EVPL: variants seen among roughly 807,000 people sequenced by gnomAD.
EVPL encodes the protein 210 kDa cornified envelope precursor protein.
EVPL carries 94 observed loss-of-function variants against 129.7 expected under a neutral mutation model. That is an observed-to-expected ratio of 0.72 (90% CI 0.61 to 0.86). The LOEUF (loss-of-function observed/expected upper bound fraction) is 0.86, where lower values mean the gene tolerates loss of function less well. EVPL is among the 40% of genes least tolerant of loss of function. The pLI is 0.00. For missense variants in EVPL, 2,625 were observed against 2,721.1 expected (o/e 0.96, Z 0.79); for synonymous variants, 1,172 against 1,191.1 (o/e 0.98, Z 0.33).
rs748581022 is a variant in EVPL at position 76,019,008 on chromosome 17, C to T, written c.1190G>A (p.Arg397Gln). 2.5e-5 allele frequency: 39 copies of T among 1,570,158 alleles called. No individual in the cohort carries two copies. Among genetic ancestry groups the T allele is most frequent in the South Asian group, 7.0e-5 (6 of 85,978 alleles). ...VTERATGDLQ[R>Q]RSRDVAPLPQ... ...CAGAGGGGCCACATCCCGGCTTCGC[C>T]GCTGCAGGTCCCCAGTGGCCCTCTC... The change falls in exon 11 of 22, where the codon CGG becomes CAG. Residue 397 changes from arginine to glutamine, a missense_variant. Arg to Gln is a conservative substitution (Grantham distance 43). This residue lies in a region of EVPL where 1,024 missense variants were observed against 997.5 expected (regional missense o/e 1.03). Transcript: ENST00000301607.
At chr17:76,011,525 TC>T in intron 21 of EVPL, 50 bp downstream of exon 21, 1 of 1,508,582 alleles carries the variant, frequency 6.6e-7, no homozygotes, top group Non-Finnish European at 9.2e-7. Context: ...GAGTGGGCAT[TC>T]CTGGTTATTC....
At chr17:76,017,681 TGAGCACCAGGGCC>T in intron 14 of EVPL, 45 bp downstream of exon 14, 5 of 1,575,744 alleles carry the variant, frequency 3.2e-6, no homozygotes, top group Non-Finnish European at 4.3e-6. Flanking sequence ...CCCTCAAGTG[TGAGCACCAGGGCC>T]GGGCCGCTTC....
rs200625116 is a variant in EVPL at position 76,014,427 on chromosome 17, T to A, written c.2372A>T (p.Lys791Met). 26 of 1,608,342 alleles carry A rather than the reference T, an allele frequency of 1.6e-5. No homozygotes were observed. In the African/African-American group the frequency reaches 2.5e-4, roughly 16 times the overall value. Reference protein sequence around the residue: ...SQIAYKLQAQKRLTQEIQSRE... With the variant: ...SQIAYKLQAQMRLTQEIQSRE... ...CAGCTGTCCCTGCCCCAGCCTCACC[T>A]TCTGCGCCTGCAGCTTGTAGGCGAT... Residue 791 changes from lysine (K) to methionine (M), a missense_variant and splice_region_variant, in exon 18 of 22, where the codon AAG (lysine) becomes ATG (methionine). Transcript: ENST00000301607.
chr17:76,007,593 A>C lies in EVPL; in HGVS notation c.5612T>G (p.Leu1871Arg), dbSNP rs1297840711. The part of the protein sequence containing the change: ...AQAATGGIVD[L>R]LSRERYSVHK... ...CACAGAGTAGCGCTCACGGCTGAGCAGGTCCACGATGCCCCCTGTGGCCGC... is the reference window on the plus strand; with the variant it reads ...CACAGAGTAGCGCTCACGGCTGAGCCGGTCCACGATGCCCCCTGTGGCCGC... Residue 1871 changes from leucine (L) to arginine (R), a missense_variant, in exon 22 of 22, where the codon CTG (leucine) becomes CGG (arginine). Coordinates refer to ENST00000301607, the MANE Select transcript of EVPL (RefSeq NM_001988.4). The surrounding 1 kb of genome is among the most constrained non-coding windows in gnomAD (Gnocchi z 8.8). The C allele has an allele frequency of 1.2e-6, 2 of 1,614,024 alleles. No individual in the cohort carries two copies. Among genetic ancestry groups the C allele is most frequent in the Non-Finnish European group, 1.7e-6 (2 of 1,180,044 alleles).
intron 18 of EVPL, 126 bp downstream of exon 18, chr17:76,014,300 G>C (rs1054237336): frequency 7.6e-7 from 1 of 1,310,986 alleles, no homozygotes; most frequent in Non-Finnish European, 1.0e-6. Context: ...GAGCATTTCA[G>C]CTGGAGGCCA....
In EVPL at chr17:76,009,227, C is replaced by T; in HGVS notation, c.3978G>A (p.Leu1326=). ...EVVRHEKDPV[L]EKEAERLRQE... ...GGCGGAGCCGCTCTGCTTCTTTCTCCAGCACCGGGTCCTTCTCGTGGCGCA... is the reference window on the plus strand; with the variant it reads ...GGCGGAGCCGCTCTGCTTCTTTCTCTAGCACCGGGTCCTTCTCGTGGCGCA... Residue 1326 remains leucine (L), a synonymous_variant, in exon 22 of 22, where the codon CTG becomes CTA. Coordinates refer to ENST00000301607, the MANE Select transcript of EVPL (RefSeq NM_001988.4). This position sits in a 1 kb window ranked among gnomAD's most constrained non-coding sequence, Gnocchi z 5.9. 1 of 1,608,504 alleles carries T rather than the reference C, an allele frequency of 6.2e-7. No homozygotes were observed. The highest frequency in any genetic ancestry group is 2.2e-5 in the East Asian group (1 of 44,858).
In EVPL at chr17:76,007,140, C is replaced by G; in HGVS notation, c.6065G>C (p.Arg2022Pro). 1 of 1,490,176 alleles carries G rather than the reference C, an allele frequency of 6.7e-7. No individual in the cohort carries two copies. The highest frequency in any genetic ancestry group is 8.9e-7 in the Non-Finnish European group (1 of 1,118,742). The allele number at this position is 1,490,176 out of a possible 1,614,324, so 92.3% of individuals were successfully genotyped here. A position where few individuals can be genotyped will look rare whatever the true frequency, so the allele number is the denominator to read the frequency against. The change falls in exon 22 of 22, where the codon CGC becomes CCC. Residue 2022 changes from arginine to proline, a missense_variant. Physicochemically the swap from Arg to Pro is moderately radical, Grantham distance 103 (BLOSUM62 -2). This residue lies in a region of EVPL where 1,453 missense variants were observed against 1,511.8 expected (regional missense o/e 0.96). Coordinates refer to ENST00000301607, the MANE Select transcript of EVPL (RefSeq NM_001988.4). This position sits in a 1 kb window ranked among gnomAD's most constrained non-coding sequence, Gnocchi z 8.8. Reference protein sequence around the residue: ...PAALEGYRCYRSASPTVPRSL... With the variant: ...PAALEGYRCYPSASPTVPRSL... The stretch of plus-strand genomic sequence containing the variant: ...GCGCGGGACGGTGGGGGAGGCGGAG[C>G]GGTAGCAGCGGTACCCCTCCAGTGC...
rs367789045 is a variant in EVPL, at chr17:76,027,248, G to T, written c.-50C>A. ...AGGCTGGGCTTGGCTGGCGAAAGAC[G>T]GCAGGAGGGCAGGTGGGAGGCAGCG... On this transcript the variant is annotated 5_prime_UTR_variant, in exon 1 of 22. Transcript: ENST00000301607. 1.5e-6 allele frequency: 2 copies of T among 1,342,092 alleles called. No individual in the cohort carries two copies. The highest frequency in any genetic ancestry group is 2.1e-6 in the Non-Finnish European group (2 of 938,866). The allele number at this position is 1,342,092 out of a possible 1,614,324, so 83.1% of individuals were successfully genotyped here.
Position 76,015,471 on chromosome 17 carries a change from A to C in EVPL, c.1868T>G (p.Leu623Arg). ...VKNKFSDVQVLCSLYGEKAKA... is the reference protein window; with the variant it reads ...VKNKFSDVQVRCSLYGEKAKA... ...TCACTTCTCCCCGTAGAGGCTGCAC[A>C]GAACCTGCACGTCACTGAACTTGTT... The change falls in exon 15 of 22, where the codon CTG (leucine) becomes CGG (arginine). Residue 623 changes from leucine to arginine, a missense_variant. Physicochemically the swap from Leu to Arg is moderately radical, Grantham distance 102. Transcript: ENST00000301607. The C allele has an allele frequency of 6.2e-7, 1 of 1,613,336 alleles. No homozygotes were observed. The highest frequency in any genetic ancestry group is 2.2e-5 in the East Asian group (1 of 44,870).
At chr17:76,021,839 C>A (rs768888676) in intron 7 of EVPL, 28 bp downstream of exon 7, 55 of 1,564,986 alleles carry the variant, frequency 3.5e-5, no homozygotes, top group Non-Finnish European at 4.5e-5. Context: ...TGGCCGCCCC[C>A]ACCTGGCCCC....
Position 76,027,230 on chromosome 17 carries a change from G to A in EVPL, c.-32C>T, listed in dbSNP as rs367722915. 1.4e-5 allele frequency: 22 copies of A among 1,529,788 alleles called. No homozygotes were observed. In the African/African-American group the frequency reaches 2.5e-4, roughly 17 times the overall value. 94.8% of individuals were successfully genotyped at this position (1,529,788 alleles called of 1,614,324 possible). A position where few individuals can be genotyped will look rare whatever the true frequency, so the allele number is the denominator to read the frequency against. ...AAAGGCAAGTGCTGGCTCAGGCTGG[G>A]CTTGGCTGGCGAAAGACGGCAGGAG... On this transcript the variant is annotated 5_prime_UTR_variant, in exon 1 of 22. Transcript: ENST00000301607.
Position 76,015,513 on chromosome 17 carries a change from G to A in EVPL, c.1826C>T (p.Ala609Val). The change falls in exon 15 of 22, where the codon GCC becomes GTC. Residue 609 changes from alanine (A) to valine (V), a missense_variant. Transcript: ENST00000301607. ...VGPAALQLPV[A>V]LNSVKNKFSD... ...GAACTTGTTCTTCACGCTGTTGAGG[G>A]CTACGGGCAGCTGCAGGGCAGCGGG... 6.2e-7 allele frequency: 1 copy of A among 1,612,878 alleles called. No individual in the cohort carries two copies. Among genetic ancestry groups the A allele is most frequent in the Non-Finnish European group, 8.5e-7 (1 of 1,180,006 alleles).
At chr17:76,015,136 C>A (rs776979428) in intron 16 of EVPL, 27 bp from the exon 17 acceptor site, 1 of 1,566,896 alleles carries the variant, frequency 6.4e-7, no homozygotes, top group Non-Finnish European at 8.7e-7. Flanking sequence ...CGCAGCCGTG[C>A]ACCCTCGTGG....
chr17:76,019,567 G>C lies in EVPL; in HGVS notation c.1098C>G (p.Gly366=), dbSNP rs774722575. The C allele has an allele frequency of 5.7e-6, 9 of 1,578,848 alleles. No individual in the cohort carries two copies. Among genetic ancestry groups the C allele is most frequent in the Non-Finnish European group, 7.7e-6 (9 of 1,167,128 alleles). The change falls in exon 10 of 22, where the codon GGC becomes GGG. Residue 366 remains glycine (G), a synonymous_variant. Transcript: ENST00000301607. ...LDAKYSPAPG[G]PPGAPTELLQ... is the part of the protein sequence containing the mutation. The stretch of plus-strand genomic sequence containing the variant: ...GCAGCTCTGTGGGGGCGCCAGGGGG[G>C]CCCCCAGGTGCAGGGCTGTACTTGG...
At chr17:76,011,165 C>T (rs748768690) in intron 21 of EVPL, among the ~76,000 whole-genome samples, 10 of 152,356 alleles carry the variant, frequency 6.6e-5, no homozygotes, top group South Asian at 4.1e-4. Context: ...TGACTGTGGC[C>T]GAGGGTAACA....
rs964137818 is a variant in EVPL at position 76,013,317 on chromosome 17, C to G, written c.2373+1109G>C. On this transcript the variant is annotated intron_variant, in intron 18 of 21. Coordinates refer to ENST00000301607, the MANE Select transcript of EVPL (RefSeq NM_001988.4). This position sits in a 1 kb window ranked among gnomAD's most constrained non-coding sequence, Gnocchi z 4.3. ...CCCTTCCCAATGTCACCTCCCTACT[C>G]TCTCCCCAGATATTCTCATTTTCCG... is the stretch of plus-strand genomic sequence containing the variant. 1.3e-5 allele frequency among the ~76,000 whole-genome samples: 2 copies of G among 152,136 alleles called. No homozygotes were observed. The highest frequency in any genetic ancestry group is 6.5e-5 in the Admixed American group (1 of 15,290).
chr17:76,011,564 T>G lies in EVPL; in HGVS notation c.2661+12A>C. 1 of 1,610,478 alleles carries G rather than the reference T, an allele frequency of 6.2e-7. No homozygotes were observed. The highest frequency in any genetic ancestry group is 8.5e-7 in the Non-Finnish European group (1 of 1,176,666). Reference sequence around the variant, plus strand: ...GGCTATTGTGGGAAAGCTGTAGGTGTTGTCTGTGTACCTTCTCCAGCATTT... The same window carrying G: ...GGCTATTGTGGGAAAGCTGTAGGTGGTGTCTGTGTACCTTCTCCAGCATTT... On this transcript the variant is annotated intron_variant, in intron 21 of 21. Transcript: ENST00000301607.
Position 76,007,119 on chromosome 17 carries a change from G to T in EVPL, c.6086C>A (p.Pro2029Gln), listed in dbSNP as rs375561600. 4.5e-5 allele frequency: 67 copies of T among 1,482,234 alleles called. No individual in the cohort carries two copies. Among genetic ancestry groups the T allele is most frequent in the Non-Finnish European group, 5.6e-5 (63 of 1,116,160 alleles). The allele number at this position is 1,482,234 out of a possible 1,614,324, so 91.8% of individuals were successfully genotyped here. ...RCYRSASPTV[P>Q]RSLR ...TGGCCCGTGTCAGCGAAGGGAGCGC[G>T]GGACGGTGGGGGAGGCGGAGCGGTA... Residue 2029 changes from proline to glutamine, a missense_variant, in exon 22 of 22, where the codon CCG (proline) becomes CAG (glutamine). By Grantham distance (76) the Pro-to-Gln change is moderately conservative. Around this residue, in one of 4 missense-constraint regions of EVPL, gnomAD observed 1,453 missense variants for 1,511.8 expected, o/e 0.96. Coordinates refer to ENST00000301607, the MANE Select transcript of EVPL (RefSeq NM_001988.4). The surrounding 1 kb of genome is among the most constrained non-coding windows in gnomAD (Gnocchi z 8.8).
At chr17:76,019,165 A>C in intron 10 of EVPL, 105 bp from the exon 11 acceptor site, 1 of 1,248,518 alleles carries the variant, frequency 8.0e-7, no homozygotes. Flanking sequence ...TCATGAAGGC[A>C]GGGGTCTCTA....
Sources: allele counts gnomAD v4.1 joint callset (sites outside exome capture counted in the v4.1 genomes callset), GRCh38; gene constraint gnomAD v4.1.1; regional missense constraint gnomAD v4.1.1; non-coding constraint Gnocchi (gnomAD v3.1); transcripts MANE v1.5; gene names NCBI Gene and HGNC (gene_info 2026-07-23, HGNC 2026-07-21).